The following HEATR6 variants were observed in gnomAD, a reference collection of about 807,000 sequenced individuals.
HEATR6 encodes the protein HEAT repeat containing 6.
HEATR6 carries 106 observed loss-of-function variants against 132.8 expected under a neutral mutation model. That is an observed-to-expected ratio of 0.80 (90% CI 0.68 to 0.94). HEATR6 has a LOEUF of 0.94. Among genes scored for constraint, HEATR6 ranks in the 40% least tolerant of loss-of-function variants. The pLI is 0.00. For synonymous variants in HEATR6, 529 were observed against 537.8 expected, an observed-to-expected ratio of 0.98 and a Z score of 0.23; for missense variants, 1,339 against 1,425.1, an observed-to-expected ratio of 0.94 and a Z score of 0.97.
chr17:60,050,622 C>T (rs1217643358), intron 15 of HEATR6, among the ~76,000 whole-genome samples: 1 of 152,142 alleles, frequency 6.6e-6, no homozygotes, highest in Non-Finnish European at 1.5e-5. Flanking sequence ...TTGCCTCTAC[C>T]ACCTACACTC....
intron 9 of HEATR6, chr17:60,063,635 A>G (rs915091080): frequency 1.9e-5 from 3 of 161,260 alleles, no homozygotes; most frequent in Admixed American, 1.8e-4. Context: ...GCCTCTGTTT[A>G]TTGTTGGCAT....
rs929244504 is a variant in HEATR6, at chr17:60,057,458, G to A, written c.1724-55C>T. The A allele has an allele frequency of 2.6e-6, 3 of 1,159,998 alleles. No individual in the cohort carries two copies. The African/African-American group carries it at 4.6e-5, about 18-fold the overall frequency. 71.9% of individuals were successfully genotyped at this position (1,159,998 alleles called of 1,614,324 possible). ...TCATGGCAACAACTACTGTAAAGAT[G>A]GTAGTTATCCCAGCAGGCAATTAAA... On this transcript the variant is annotated intron_variant, in intron 11 of 19. Coordinates refer to ENST00000184956, the MANE Select transcript of HEATR6 (RefSeq NM_022070.5).
intron 13 of HEATR6, 67 bp downstream of exon 13, chr17:60,056,048 A>G: frequency 3.3e-6 from 5 of 1,527,140 alleles, no homozygotes; most frequent in South Asian, 1.2e-5. Flanking sequence ...GAAGGATATA[A>G]AGTGAAGAAA....
rs1266884601 is a variant in HEATR6, at chr17:60,076,160, C to T, written c.297G>A (p.Gln99=). The T allele has an allele frequency of 1.9e-6, 3 of 1,610,526 alleles. No homozygotes were observed. Among genetic ancestry groups the T allele is most frequent in the Non-Finnish European group, 2.5e-6 (3 of 1,177,996 alleles). ...ATCTGTTAAGTAAATGGTGGATAAGCTGGCTCACTTTGCTGACAAGATGAT... is the reference window on the plus strand; with the variant it reads ...ATCTGTTAAGTAAATGGTGGATAAGTTGGCTCACTTTGCTGACAAGATGAT... ...NQNHLVSKVS[Q]LIHHLLNRLQ... Residue 99 remains glutamine, a synonymous_variant, in exon 2 of 20, where the codon CAG becomes CAA. Transcript: ENST00000184956.
Position 60,072,214 on chromosome 17 carries a change from C to T in HEATR6, c.699+1G>A. ...CACTACGTCAATGATAGTCCACTTA[C>T]CATGCAAAATGTGATATCATCCATA... is the stretch of plus-strand genomic sequence containing the variant. On this transcript the variant is annotated splice_donor_variant, in intron 5 of 19. Transcript: ENST00000184956. LOFTEE classifies it high-confidence loss of function. 6.6e-7 allele frequency: 1 copy of T among 1,508,216 alleles called. No individual in the cohort carries two copies. The highest frequency in any genetic ancestry group is 9.2e-7 in the Non-Finnish European group (1 of 1,089,950). 93.4% of individuals were successfully genotyped at this position (1,508,216 alleles called of 1,614,324 possible). A position where few individuals can be genotyped will look rare whatever the true frequency, so the allele number is the denominator to read the frequency against.
intron 9 of HEATR6, among the ~76,000 whole-genome samples, chr17:60,062,485 G>A (rs558040730): frequency 9.9e-5 from 15 of 152,270 alleles, no homozygotes; most frequent in Middle Eastern, 3.4e-3. Context: ...ACTTAAGAAC[G>A]TAGCACAAAT....
rs369491090 is a variant in HEATR6, at chr17:60,059,952, T to C, written c.1561A>G (p.Arg521Gly). The change falls in exon 10 of 20, where the codon AGA becomes GGA. Residue 521 changes from arginine to glycine, a missense_variant. Physicochemically the swap from Arg to Gly is moderately radical, Grantham distance 125. Transcript: ENST00000184956. ...MIACSIRELHRCLLLALVAES... is the reference protein window; with the variant it reads ...MIACSIRELHGCLLLALVAES... ...GCCACCAAAGCTAACAAAAGACATC[T>C]GTGCAACTCTCTAATGCTGCAAGCG... 2.5e-6 allele frequency: 4 copies of C among 1,613,754 alleles called. No homozygotes were observed. The highest frequency in any genetic ancestry group is 3.4e-6 in the Non-Finnish European group (4 of 1,179,824).
Position 60,069,721 on chromosome 17 carries a change from C to T in HEATR6, c.929G>A (p.Arg310Gln), listed in dbSNP as rs150902099. 3.2e-5 allele frequency: 51 copies of T among 1,613,806 alleles called. No homozygotes were observed. Among genetic ancestry groups the T allele is most frequent in the South Asian group, 3.0e-4 (27 of 90,992 alleles). ...KPQQSESSASRPTLNKKKKSK... is the reference protein window; with the variant it reads ...KPQQSESSASQPTLNKKKKSK... ...TAAACATAAATGTACCAAAGTTGGT[C>T]GAGAAGCACTGGATTCTGATTGCTG... The change falls in exon 7 of 20, where the codon CGA (arginine) becomes CAA (glutamine). Residue 310 changes from arginine to glutamine, a missense_variant. Physicochemically the swap from Arg to Gln is conservative, Grantham distance 43. Coordinates refer to ENST00000184956, the MANE Select transcript of HEATR6 (RefSeq NM_022070.5).
chr17:60,078,643 G>T, intron 1 of HEATR6, 53 bp downstream of exon 1: 1 of 1,407,134 alleles, frequency 7.1e-7, no homozygotes, highest in East Asian at 2.5e-5. Flanking sequence ...GCCACCAGCT[G>T]GGTTCCCGGA....
chr17:60,052,524 G>C (rs1906616743), intron 14 of HEATR6, among the ~76,000 whole-genome samples: 1 of 152,094 alleles, frequency 6.6e-6, no homozygotes, highest in South Asian at 2.1e-4. Context: ...TTCAAACCTA[G>C]TTCTGTCTGA....
At chr17:60,076,714 AAAAAAG>A in intron 1 of HEATR6, 1 of 152,966 alleles carries the variant, frequency 6.5e-6, no homozygotes, top group Non-Finnish European at 1.5e-5. Context: ...TAAAAAAAAG[AAAAAAG>A]AAAAAAAAAG....
intron 18 of HEATR6, among the ~76,000 whole-genome samples, 172 bp from the exon 19 acceptor site, chr17:60,046,401 A>G (rs1287181691): frequency 1.3e-5 from 2 of 152,238 alleles, no homozygotes; most frequent in East Asian, 3.8e-4. Context: ...GTGAGGTTCT[A>G]CAGAACTCCT....
At position 60,073,297 on chromosome 17, in the gene HEATR6, C is replaced by A; in HGVS notation, c.469-18G>T. ...GGGAGGTACTAAGAAAAATAAGAGT[C>A]AATGTAGGTCAAAGAAAAGCTTCTA... is the stretch of plus-strand genomic sequence containing the variant. On this transcript the variant is annotated intron_variant, in intron 3 of 19. Coordinates refer to ENST00000184956, the MANE Select transcript of HEATR6 (RefSeq NM_022070.5). 1 of 1,358,988 alleles carries A rather than the reference C, an allele frequency of 7.4e-7. No individual in the cohort carries two copies. Among genetic ancestry groups the A allele is most frequent in the South Asian group, 1.2e-5 (1 of 84,496 alleles). The allele number at this position is 1,358,988 out of a possible 1,614,324, so 84.2% of individuals were successfully genotyped here.
intron 14 of HEATR6, among the ~76,000 whole-genome samples, chr17:60,053,680 T>C (rs1906654760): frequency 6.6e-6 from 1 of 152,218 alleles, no homozygotes. Flanking sequence ...TCACCTTTGT[T>C]ACACCTTAGC....
In HEATR6 at chr17:60,049,684, A is replaced by G. The variant is rs1906516335; in HGVS notation, c.2443T>C (p.Cys815Arg). 6.2e-7 allele frequency: 1 copy of G among 1,613,470 alleles called. No homozygotes were observed. Among genetic ancestry groups the G allele is most frequent in the Non-Finnish European group, 8.5e-7 (1 of 1,179,636 alleles). The change falls in exon 16 of 20, where the codon TGC (cysteine) becomes CGC (arginine). Residue 815 changes from cysteine (C) to arginine (R), a missense_variant. Cys to Arg is a radical substitution (Grantham distance 180). Transcript: ENST00000184956. ...SNLPNDRQML[C>R]ITVLLGLNDS... ...TTCAGCCCGAGCAGCACTGTGATGC[A>G]CAGCATCTGCCTGTCATTCTGCAAT...
Position 60,043,110 on chromosome 17 carries a change from G to T in HEATR6, c.*453C>A. On this transcript the variant is annotated 3_prime_UTR_variant, in exon 20 of 20. Transcript: ENST00000184956. ...GCATCCTCGCATCCTGTGCAGCTGG[G>T]CCAGGACAAACTGGCTGAACTGCAG... The T allele has an allele frequency of 3.8e-6, 1 of 263,704 alleles. No homozygotes were observed. Among genetic ancestry groups the T allele is most frequent in the Non-Finnish European group, 7.5e-6 (1 of 133,428 alleles). 16.3% of individuals were successfully genotyped at this position (263,704 alleles called of 1,614,324 possible).
rs1278508940 is a variant in HEATR6 at position 60,047,387 on chromosome 17, A to G, written c.2691T>C (p.Ser897=). ...LIVNMETPDP[S]FQEEFSGLLL... ...GGAGACCAGAGAACTCTTCCTGGAA[A>G]CTTGGGTCTGGTGTTTCCCTGTTCC... Residue 897 remains serine (S), a synonymous_variant, in exon 18 of 20, where the codon AGT becomes AGC. Transcript: ENST00000184956. 1 of 1,612,908 alleles carries G rather than the reference A, an allele frequency of 6.2e-7. No individual in the cohort carries two copies. The highest frequency in any genetic ancestry group is 1.7e-5 in the Admixed American group (1 of 59,872).
intron 2 of HEATR6, chr17:60,074,142 C>G: frequency 1.7e-6 from 2 of 1,195,928 alleles, no homozygotes; most frequent in Non-Finnish European, 2.1e-6. Context: ...TTTCCTTGAA[C>G]TAACCAGACA....
Position 60,044,119 on chromosome 17 carries a change from G to A in HEATR6, c.2990C>T (p.Thr997Ile), listed in dbSNP as rs750800169. ...PALPLGTAPW[T>I]SQAYNALTSV... is the part of the protein sequence containing the mutation. Reference sequence around the variant, plus strand: ...TGTCAGGGCATTGTAGGCCTGGGAGGTCCATGGGGCTGTCCCTAGAAAGAA... The same window carrying A: ...TGTCAGGGCATTGTAGGCCTGGGAGATCCATGGGGCTGTCCCTAGAAAGAA... Residue 997 changes from threonine (T) to isoleucine (I), a missense_variant, in exon 20 of 20, where the codon ACC becomes ATC. Physicochemically the swap from Thr to Ile is moderately conservative, Grantham distance 89. Coordinates refer to ENST00000184956, the MANE Select transcript of HEATR6 (RefSeq NM_022070.5). 4 of 1,609,986 alleles carry A rather than the reference G, an allele frequency of 2.5e-6. No individual in the cohort carries two copies. The African/African-American group carries it at 5.3e-5, about 22-fold the overall frequency.
Sources: gnomAD v4.1 joint callset for allele counts (sites outside exome capture counted in the v4.1 genomes callset) on GRCh38, gnomAD v4.1.1 for gene constraint, MANE v1.5 for transcripts, NCBI Gene and HGNC (gene_info 2026-07-23, HGNC 2026-07-21) for gene names.